The following TCP11 variants were observed in gnomAD, a reference collection of about 807,000 sequenced individuals.
TCP11 encodes the protein t-complex 11, also known as T-complex protein 11 homolog.
A neutral mutation model predicts 45.0 loss-of-function variants in TCP11; 34 were observed. That is an observed-to-expected ratio of 0.76 (90% CI 0.57 to 1.01). The LOEUF (loss-of-function observed/expected upper bound fraction) is 1.01. Ranked by LOEUF, TCP11 falls within the 50% of genes least tolerant of loss-of-function variation. TCP11 has a pLI of 0.00. For synonymous variants in TCP11, 227 were observed against 227.0 expected (o/e 1.00, Z 0.00); for missense variants, 523 against 598.1 (o/e 0.87, Z 1.31).
intron 3 of TCP11, among the ~76,000 whole-genome samples, chr6:35,130,428 A>G (rs1780279229): frequency 6.6e-6 from 1 of 152,218 alleles, no homozygotes; most frequent in African/African-American, 2.4e-5. Flanking sequence ...GACACACACT[A>G]GGAAACAATC....
At chr6:35,139,404 T>C (rs982375633) in intron 2 of TCP11, among the ~76,000 whole-genome samples, 2 of 152,186 alleles carry the variant, frequency 1.3e-5, no homozygotes, top group African/African-American at 4.8e-5. Context: ...ATTGTAGACC[T>C]TTACCAAAAA....
intron 3 of TCP11, among the ~76,000 whole-genome samples, chr6:35,135,632 A>C (rs1257374281): frequency 6.6e-6 from 1 of 151,704 alleles, no homozygotes; most frequent in African/African-American, 2.4e-5. Context: ...AAAAAAAAAA[A>C]AAAAAAATCG....
intron 4 of TCP11, among the ~76,000 whole-genome samples, chr6:35,126,170 T>TA (rs796104844): frequency 1.3e-5 from 2 of 151,992 alleles, no homozygotes; most frequent in African/African-American, 2.4e-5. Flanking sequence ...AAACAAATCC[T>TA]AAAAAAAATT....
chr6:35,130,753 T>C (rs1421476190), intron 3 of TCP11, among the ~76,000 whole-genome samples: 1 of 152,194 alleles, frequency 6.6e-6, no homozygotes, highest in Non-Finnish European at 1.5e-5. Flanking sequence ...GGAACTCACA[T>C]TCACTGCTGG....
intron 3 of TCP11, among the ~76,000 whole-genome samples, chr6:35,135,867 C>T (rs1781020012): frequency 6.6e-6 from 1 of 152,178 alleles, no homozygotes; most frequent in South Asian, 2.1e-4. Context: ...TGAAATCCAC[C>T]ATATTTATTC....
At chr6:35,141,043 G>A in intron 1 of TCP11, 159 bp from the exon 2 acceptor site, 19 of 1,235,452 alleles carry the variant, frequency 1.5e-5, no homozygotes, top group Non-Finnish European at 2.0e-5. Context: ...AGCGGAAGTC[G>A]AGAGTGGGAC....
chr6:35,140,258 AGTG>A (rs1261375748), intron 2 of TCP11: 1 of 1,467,728 alleles, frequency 6.8e-7, no homozygotes, highest in Non-Finnish European at 9.1e-7. Context: ...CATGAGTCCC[AGTG>A]AGACTGGACC....
chr6:35,118,225 G>A lies in TCP11; in HGVS notation c.*44C>T. On this transcript the variant is annotated 3_prime_UTR_variant, in exon 10 of 10. Transcript: ENST00000311875. ...TGATGTTACTCCAGGAAGATGATGG[G>A]CCTCCTCTTGGGTCCAAGGTACCAG... 1 of 1,506,208 alleles carries A rather than the reference G, an allele frequency of 6.6e-7. No homozygotes were observed. The highest frequency in any genetic ancestry group is 9.2e-7 in the Non-Finnish European group (1 of 1,083,762). 93.3% of individuals were successfully genotyped at this position (1,506,208 alleles called of 1,614,324 possible).
intron 4 of TCP11, chr6:35,128,320 CCA>C (rs1439755334): frequency 6.6e-6 from 1 of 152,262 alleles, no homozygotes; most frequent in East Asian, 1.9e-4. Context: ...GTCCTAGAAG[CCA>C]CCTGCAGCTC....
intron 3 of TCP11, among the ~76,000 whole-genome samples, chr6:35,132,328 T>C (rs1780548149): frequency 1.3e-5 from 2 of 152,242 alleles, no homozygotes; most frequent in African/African-American, 2.4e-5. Flanking sequence ...CTAACCTTCC[T>C]CTGTAGGCAA....
intron 2 of TCP11, chr6:35,140,255 C>T (rs779390867): frequency 1.6e-5 from 24 of 1,472,216 alleles, no homozygotes; most frequent in South Asian, 6.1e-5. Context: ...CAGCATGAGT[C>T]CCAGTGAGAC....
intron 3 of TCP11, among the ~76,000 whole-genome samples, chr6:35,133,354 AT>A (rs914947752): frequency 2.0e-5 from 3 of 151,460 alleles, no homozygotes; most frequent in Non-Finnish European, 3.0e-5. Flanking sequence ...TTAAAAAAAA[AT>A]TTTTTTTTGT....
chr6:35,129,947 T>A (rs1780217201), intron 3 of TCP11, among the ~76,000 whole-genome samples: 1 of 151,930 alleles, frequency 6.6e-6, no homozygotes, highest in Non-Finnish European at 1.5e-5. Flanking sequence ...CTAATTTTTT[T>A]ATTTTTTTAT....
chr6:35,139,630 T>C (rs1781495913), intron 2 of TCP11, among the ~76,000 whole-genome samples: 2 of 152,210 alleles, frequency 1.3e-5, no homozygotes, highest in African/African-American at 4.8e-5. Flanking sequence ...CAGCAGCTTA[T>C]TGAGGGACGG....
chr6:35,129,088 G>A lies in TCP11; in HGVS notation c.331C>T (p.Leu111Phe). Residue 111 changes from leucine to phenylalanine, a missense_variant, in exon 4 of 10, where the codon CTT (leucine) becomes TTT (phenylalanine). By Grantham distance (22) the Leu-to-Phe change is conservative. This residue lies in a region of TCP11 where 225 missense variants were observed against 210.2 expected (regional missense o/e 1.07). Transcript: ENST00000311875. ...TCTTTAATTTCTTTCAGAAGTTCAA[G>A]AGCACAGCTGAAGTCAGGGGGAGTT... Reference protein sequence around the residue: ...SATPPDFSCALELLKEIKEIL... With the variant: ...SATPPDFSCAFELLKEIKEIL... The A allele has an allele frequency of 1.9e-6, 3 of 1,614,078 alleles. No homozygotes were observed. Among genetic ancestry groups the A allele is most frequent in the Non-Finnish European group, 2.5e-6 (3 of 1,180,002 alleles).
chr6:35,118,641 G>C, intron 9 of TCP11, 140 bp from the exon 10 acceptor site: 1 of 753,008 alleles, frequency 1.3e-6, no homozygotes. Context: ...AATGAAATTT[G>C]TTTTGTTTGG....
chr6:35,140,979 G>C (rs1781702240), intron 1 of TCP11, 95 bp from the exon 2 acceptor site: 7 of 1,408,998 alleles, frequency 5.0e-6, no homozygotes, highest in Middle Eastern at 1.9e-4. Context: ...GGGGGTAGCG[G>C]CCTCAGGGTC....
chr6:35,120,583 G>A lies in TCP11; in HGVS notation c.779C>T (p.Pro260Leu), dbSNP rs756367121. Residue 260 changes from proline (P) to leucine (L), a missense_variant, in exon 7 of 10, where the codon CCG becomes CTG. Physicochemically the swap from Pro to Leu is moderately conservative, Grantham distance 98 (BLOSUM62 -3). Coordinates refer to ENST00000311875, the MANE Select transcript of TCP11 (RefSeq NM_001370687.1). The surrounding 1 kb of genome is among the most constrained non-coding windows in gnomAD (Gnocchi z 4.9). ...QAAGDLTMSP[P>L]TCPDTSDSSS... The stretch of plus-strand genomic sequence containing the variant: ...GGAGTCAGAAGTGTCTGGGCAAGTC[G>A]GAGGTGACATGGTGAGGTCTCCTGC... The A allele has an allele frequency of 1.1e-5, 18 of 1,613,722 alleles. No homozygotes were observed. Among genetic ancestry groups the A allele is most frequent in the East Asian group, 1.1e-4 (5 of 44,886 alleles).
intron 3 of TCP11, among the ~76,000 whole-genome samples, chr6:35,130,499 G>A (rs115858810): frequency 0.014 from 2,106 of 152,034 alleles, 48 homozygotes; most frequent in African/African-American, 0.046. Flanking sequence ...CTCTTAAAAC[G>A]CAACAATAGG....
Sources: gnomAD v4.1 joint callset for allele counts (sites outside exome capture counted in the v4.1 genomes callset) on GRCh38, gnomAD v4.1.1 for gene constraint, gnomAD v4.1.1 regional missense constraint, Gnocchi (gnomAD v3.1) non-coding constraint, MANE v1.5 for transcripts, NCBI Gene and HGNC (gene_info 2026-07-23, HGNC 2026-07-21) for gene names.